Variants in DAB1 observed in about 807,000 individuals in gnomAD.
DAB1 encodes the protein DAB adaptor protein 1.
Under a neutral mutation model 64.6 loss-of-function variants are expected in DAB1, and 15 were observed. The observed-to-expected ratio is 0.23, with a 90% CI of 0.16 to 0.36. The LOEUF (loss-of-function observed/expected upper bound fraction) is 0.36, where lower values mean the gene tolerates loss of function less well. Ranked by LOEUF, DAB1 falls within the 10% of genes least tolerant of loss-of-function variation. The probability of loss-of-function intolerance (pLI) is 1.00; values close to 1 mark genes in which losing one functional copy is unlikely to be tolerated. For synonymous variants in DAB1, 235 were observed against 251.9 expected (o/e 0.93, Z 0.64); for missense variants, 596 against 706.7 (o/e 0.84, Z 1.78).
At chr1:57,067,088 T>C (rs1367084790) in intron 8 of DAB1, among the ~76,000 whole-genome samples, 2 of 152,126 alleles carry the variant, frequency 1.3e-5, no homozygotes, top group Non-Finnish European at 2.9e-5. Context: ...GCTTATCTCT[T>C]ATTAAGTAAA....
At chr1:58,542,296 T>C (rs925758473) in intron 1 of DAB1, among the ~76,000 whole-genome samples, 15 of 152,236 alleles carry the variant, frequency 9.9e-5, no homozygotes, top group Non-Finnish European at 1.8e-4. Flanking sequence ...AATTTAAGCC[T>C]AGAAGTCATT....
intron 3 of DAB1, among the ~76,000 whole-genome samples, chr1:58,469,523 T>C (rs1293710715): frequency 1.3e-5 from 2 of 152,224 alleles, no homozygotes. Context: ...AGGGCCTTAG[T>C]TCTGTAAACT....
chr1:57,486,122 G>A (rs1280156117), intron 7 of DAB1, among the ~76,000 whole-genome samples: 1 of 152,212 alleles, frequency 6.6e-6, no homozygotes, highest in Non-Finnish European at 1.5e-5. Context: ...TTAATTAGTT[G>A]TAGCACCAGA....
chr1:57,516,005 G>A (rs1327444585), intron 7 of DAB1, among the ~76,000 whole-genome samples: 1 of 152,190 alleles, frequency 6.6e-6, no homozygotes. Context: ...AGGACTTAGA[G>A]TTGAATACGT....
chr1:57,968,386 T>C lies in DAB1; in HGVS notation n.388-84224A>G, dbSNP rs368288965. Reference sequence around the variant, plus strand: ...AGGCAGGAAGAGCAGAAAGCCACCATTTGAGTTCTTAGGATAAGAAGCATT... The same window carrying C: ...AGGCAGGAAGAGCAGAAAGCCACCACTTGAGTTCTTAGGATAAGAAGCATT... On this transcript the variant is annotated intron_variant and non_coding_transcript_variant, in intron 5 of 20. Coordinates refer to the DAB1 transcript ENST00000485760. 1.4e-3 allele frequency among the ~76,000 whole-genome samples: 212 copies of C among 152,266 alleles called. 8 individuals carry two copies. In the South Asian group the frequency reaches 0.042, roughly 30 times the overall value.
intron 7 of DAB1, among the ~76,000 whole-genome samples, chr1:57,564,478 C>A (rs952593560): frequency 6.6e-6 from 1 of 152,156 alleles, no homozygotes; most frequent in South Asian, 2.1e-4. Context: ...GATGATCAAA[C>A]TTCTCCGAGC....
At chr1:57,461,068 T>C (rs1317053315) in intron 7 of DAB1, among the ~76,000 whole-genome samples, 2 of 152,182 alleles carry the variant, frequency 1.3e-5, no homozygotes, top group African/African-American at 4.8e-5. Flanking sequence ...CCTTATCTGA[T>C]TTGAGAAATT....
At chr1:57,067,385 C>G (rs954137363) in intron 8 of DAB1, among the ~76,000 whole-genome samples, 2 of 152,122 alleles carry the variant, frequency 1.3e-5, no homozygotes, top group Non-Finnish European at 2.9e-5. Flanking sequence ...AGTGGGGGCT[C>G]TACCTATTGC....
intron 4 of DAB1, among the ~76,000 whole-genome samples, chr1:58,195,086 A>T (rs568377973): frequency 6.6e-6 from 1 of 152,150 alleles, no homozygotes; most frequent in African/African-American, 2.4e-5. Flanking sequence ...AGATAAGAAA[A>T]GGGCAAAAAT....
intron 4 of DAB1, among the ~76,000 whole-genome samples, chr1:57,129,134 G>A (rs1319649524): frequency 2.0e-5 from 3 of 152,108 alleles, no homozygotes; most frequent in East Asian, 3.9e-4. Context: ...AGACTGATAA[G>A]AGGAATCATC....
intron 4 of DAB1, among the ~76,000 whole-genome samples, chr1:58,175,123 G>C (rs550007499): frequency 1.3e-5 from 2 of 152,312 alleles, no homozygotes; most frequent in East Asian, 1.9e-4. Flanking sequence ...TCTTGCTGCT[G>C]CTCACTCTTT....
intron 3 of DAB1, among the ~76,000 whole-genome samples, chr1:58,347,048 G>T (rs77867558): frequency 6.6e-6 from 1 of 152,096 alleles, no homozygotes; most frequent in Non-Finnish European, 1.5e-5. Context: ...TGATAGAAAA[G>T]GTACTTTATA....
chr1:58,185,544 C>T lies in DAB1; in HGVS notation n.310-34956G>A, dbSNP rs149448272. Among the ~76,000 whole-genome samples, 471 of 152,182 alleles carry T rather than the reference C, an allele frequency of 3.1e-3. 2 individuals carry two copies. The highest frequency in any genetic ancestry group is 9.9e-3 in the African/African-American group (412 of 41,520). ...TCTTGTTTCATGCTGATTCCTGAAG[C>T]CTACCATAGGTTTTGTTTTGTTTTG... On this transcript the variant is annotated intron_variant and non_coding_transcript_variant, in intron 4 of 20. Coordinates refer to the DAB1 transcript ENST00000485760.
intron 9 of DAB1, among the ~76,000 whole-genome samples, chr1:57,051,735 A>G (rs1044716679): frequency 2.0e-5 from 3 of 152,156 alleles, no homozygotes; most frequent in East Asian, 3.9e-4. Context: ...TGCCAGACAG[A>G]GTGAAGCTTC....
intron 5 of DAB1, among the ~76,000 whole-genome samples, chr1:58,073,827 T>A (rs1209129387): frequency 6.6e-5 from 10 of 152,140 alleles, no homozygotes; most frequent in African/African-American, 2.4e-4. Context: ...TACGAAGGTA[T>A]AATTAGAGGA....
At chr1:57,721,638 C>G (rs1553122588) in intron 6 of DAB1, among the ~76,000 whole-genome samples, 1 of 152,192 alleles carries the variant, frequency 6.6e-6, no homozygotes, top group Non-Finnish European at 1.5e-5. Context: ...AATCCAGGCT[C>G]TTAGCCACTA....
At chr1:57,579,203 C>T (rs549117904) in intron 7 of DAB1, among the ~76,000 whole-genome samples, 13 of 152,324 alleles carry the variant, frequency 8.5e-5, no homozygotes, top group African/African-American at 3.1e-4. Context: ...GGACTGAGAG[C>T]TAAAGTATAG....
At chr1:57,324,396 A>G (rs1352415756) in intron 1 of DAB1, among the ~76,000 whole-genome samples, 2 of 152,196 alleles carry the variant, frequency 1.3e-5, no homozygotes, top group Non-Finnish European at 2.9e-5. Context: ...ATTCATCAGT[A>G]GTAAAGGTAT....
chr1:57,618,851 T>A (rs1232038178), intron 7 of DAB1, among the ~76,000 whole-genome samples: 2 of 152,168 alleles, frequency 1.3e-5, no homozygotes, highest in South Asian at 2.1e-4. Flanking sequence ...AGAATTTAGA[T>A]CCTGGAGACA....
Sources: gnomAD v4.1 joint callset for allele counts (sites outside exome capture counted in the v4.1 genomes callset) on GRCh38, gnomAD v4.1.1 for gene constraint, MANE v1.5 for transcripts, NCBI Gene and HGNC (gene_info 2026-07-23, HGNC 2026-07-21) for gene names.